Variants in DACH1 observed in about 807,000 individuals in gnomAD.
DACH1 encodes dachshund family transcription factor 1.
A neutral mutation model predicts 54.2 loss-of-function variants in DACH1; 12 were observed. That is an observed-to-expected ratio of 0.22 (90% CI 0.14 to 0.36). The LOEUF (loss-of-function observed/expected upper bound fraction) is 0.36. DACH1 is among the 10% of genes least tolerant of loss of function. DACH1 has a pLI of 1.00. For synonymous variants in DACH1, 386 were observed against 366.2 expected (o/e 1.05, Z -0.62); for missense variants, 805 against 929.8 (o/e 0.87, Z 1.75).
intron 7 of DACH1, among the ~76,000 whole-genome samples, chr13:71,487,336 C>A (rs1485600592): frequency 1.3e-5 from 2 of 152,062 alleles, no homozygotes; most frequent in Non-Finnish European, 2.9e-5. Flanking sequence ...AATCTAGAGC[C>A]ACCTACAATG....
intron 3 of DACH1, among the ~76,000 whole-genome samples, chr13:71,626,672 T>G (rs1423649516): frequency 6.6e-6 from 1 of 151,988 alleles, no homozygotes; most frequent in East Asian, 1.9e-4. Context: ...CAAAGACATC[T>G]CAGTAATCAA....
intron 3 of DACH1, among the ~76,000 whole-genome samples, chr13:71,603,297 T>G (rs977896851): frequency 6.6e-6 from 1 of 152,042 alleles, no homozygotes; most frequent in African/African-American, 2.4e-5. Context: ...CTTCTCATGC[T>G]GTGTACAGAC....
intron 1 of DACH1, among the ~76,000 whole-genome samples, chr13:71,736,492 A>T (rs1001045074): frequency 1.6e-4 from 24 of 152,148 alleles, no homozygotes; most frequent in African/African-American, 4.8e-4. Context: ...TTTAAAATAT[A>T]TATATAAATA....
rs148822856 is a variant in DACH1 at position 71,745,536 on chromosome 13, A to G, written c.849-63626T>C. 3.3e-3 allele frequency among the ~76,000 whole-genome samples: 498 copies of G among 152,368 alleles called. 1 individual carries two copies. Among genetic ancestry groups the G allele is most frequent in the African/African-American group, 0.011 (467 of 41,588 alleles). On this transcript the variant is annotated intron_variant, in intron 1 of 10. Transcript: ENST00000613252. ...AGAAGGCTAGATGAAACATAGCTTC[A>G]CAGATTTCAGGTTTCCACCAACTAA...
chr13:71,685,970 G>C (rs1372099482), intron 1 of DACH1, among the ~76,000 whole-genome samples: 1 of 152,094 alleles, frequency 6.6e-6, no homozygotes, highest in Non-Finnish European at 1.5e-5. Flanking sequence ...ACTGAAAAGA[G>C]GAAGCGAAAC....
At chr13:71,582,138 C>T (rs533588918) in intron 3 of DACH1, among the ~76,000 whole-genome samples, 2 of 152,046 alleles carry the variant, frequency 1.3e-5, no homozygotes, top group Non-Finnish European at 2.9e-5. Context: ...GAATAAGTCT[C>T]AAATAAACCA....
chr13:71,694,729 C>T (rs1356753665), intron 1 of DACH1, among the ~76,000 whole-genome samples: 1 of 152,128 alleles, frequency 6.6e-6, no homozygotes, highest in African/African-American at 2.4e-5. Flanking sequence ...GATCATTATC[C>T]TAATTCCCAT....
chr13:71,699,988 C>T (rs575302256), intron 1 of DACH1, among the ~76,000 whole-genome samples: 11 of 152,250 alleles, frequency 7.2e-5, no homozygotes, highest in East Asian at 1.9e-4. Context: ...GTTAATTACA[C>T]GTTTTAATTT....
At chr13:71,814,727 T>C (rs552088723) in intron 1 of DACH1, among the ~76,000 whole-genome samples, 29 of 152,226 alleles carry the variant, frequency 1.9e-4, no homozygotes, top group Non-Finnish European at 3.7e-4. Flanking sequence ...ATTGTCGTCT[T>C]ATAAATATGT....
chr13:71,512,873 C>T (rs1880884771), intron 6 of DACH1, among the ~76,000 whole-genome samples: 1 of 151,526 alleles, frequency 6.6e-6, no homozygotes, highest in South Asian at 2.1e-4. Flanking sequence ...GGAAGAAAAT[C>T]TAGAAGAATA....
At chr13:71,743,400 T>C (rs1362100437) in intron 1 of DACH1, among the ~76,000 whole-genome samples, 1 of 152,182 alleles carries the variant, frequency 6.6e-6, no homozygotes, top group Admixed American at 6.6e-5. Context: ...AAGTCAAGGG[T>C]TGCTGTTTCT....
chr13:71,460,423 C>G (rs1291086425), intron 10 of DACH1, among the ~76,000 whole-genome samples: 1 of 151,984 alleles, frequency 6.6e-6, no homozygotes, highest in Non-Finnish European at 1.5e-5. Context: ...AGAAACTAAG[C>G]TAAATACTAT....
intron 6 of DACH1, among the ~76,000 whole-genome samples, chr13:71,519,882 A>ATTATATATATATATATATATATATATAT (rs1555290464): frequency 2.8e-5 from 1 of 35,550 alleles, no homozygotes; most frequent in Non-Finnish European, 5.2e-5. Context: ...AAACCAAAGT[A>ATTATATATATATATATATATATATATAT]GTATATATAT....
intron 1 of DACH1, among the ~76,000 whole-genome samples, chr13:71,818,638 C>T (rs1487088826): frequency 6.6e-6 from 1 of 152,174 alleles, no homozygotes; most frequent in South Asian, 2.1e-4. Context: ...TCTTGCACTG[C>T]CCAGTCCATC....
chr13:71,684,193 T>A (rs149258144), intron 1 of DACH1, among the ~76,000 whole-genome samples: 196 of 152,188 alleles, frequency 1.3e-3, no homozygotes, highest in African/African-American at 4.5e-3. Flanking sequence ...CACATTCAAT[T>A]TTGTCCCACT....
At chr13:71,557,238 C>T in intron 5 of DACH1, 80 bp from the exon 6 acceptor site, 1 of 1,237,868 alleles carries the variant, frequency 8.1e-7, no homozygotes, top group African/African-American at 1.6e-5. Flanking sequence ...GTCAATTAAA[C>T]TCTCTTGGAC....
chr13:71,817,511 C>T (rs923148115), intron 1 of DACH1, among the ~76,000 whole-genome samples: 3 of 152,146 alleles, frequency 2.0e-5, no homozygotes, highest in Non-Finnish European at 4.4e-5. Flanking sequence ...GGAACTAGGC[C>T]TGCACTCAAC....
intron 6 of DACH1, among the ~76,000 whole-genome samples, chr13:71,508,963 T>C (rs975555061): frequency 6.6e-6 from 1 of 152,252 alleles, no homozygotes; most frequent in East Asian, 1.9e-4. Flanking sequence ...TATTTAACTT[T>C]TCTTCTCACA....
intron 3 of DACH1, among the ~76,000 whole-genome samples, chr13:71,618,027 C>T (rs145252958): frequency 3.9e-5 from 6 of 152,162 alleles, no homozygotes; most frequent in Admixed American, 1.3e-4. Flanking sequence ...TACAGTCAAC[C>T]GTAAGTGACT....
Sources: gnomAD v4.1 joint callset for allele counts (sites outside exome capture counted in the v4.1 genomes callset) on GRCh38, gnomAD v4.1.1 for gene constraint, MANE v1.5 for transcripts, NCBI Gene and HGNC (gene_info 2026-07-23, HGNC 2026-07-21) for gene names.